Variants in ASPH observed in about 807,000 individuals in gnomAD.
ASPH encodes aspartate beta-hydroxylase.
ASPH carries 100 observed loss-of-function variants against 118.4 expected under a neutral mutation model. The observed-to-expected ratio is 0.84, with a 90% CI of 0.72 to 1.00. The LOEUF is 1.00. Ranked by LOEUF, ASPH falls within the 50% of genes least tolerant of loss-of-function variation. The pLI is 0.00. For missense variants in ASPH, 920 were observed against 919.5 expected, an observed-to-expected ratio of 1.00 and a Z score of -0.01; for synonymous variants, 315 against 325.6, an observed-to-expected ratio of 0.97 and a Z score of 0.35.
intron 19 of ASPH, 36 bp from the exon 20 acceptor site, chr8:61,553,156 T>C: frequency 6.8e-7 from 1 of 1,467,942 alleles, no homozygotes; most frequent in South Asian, 1.2e-5. Context: ...GGTAAAATAA[T>C]TAAATACCAG....
rs1805153722 is a variant in ASPH at position 61,502,726 on chromosome 8, ATT to A, written c.*631_*632del. ...CAATCAAGATAAAAAAAACCAAACG[ATT>A]TGAGAGTTGGGATGGGTACAGTTCA... On this transcript the variant is annotated 3_prime_UTR_variant, in exon 25 of 25. Coordinates refer to ENST00000379454, the MANE Select transcript of ASPH (RefSeq NM_004318.4). The A allele has an allele frequency of 6.6e-6, 1 of 152,158 alleles. No individual in the cohort carries two copies. The highest frequency in any genetic ancestry group is 2.4e-5 in the African/African-American group (1 of 41,444). The allele number at this position is 152,158 out of a possible 1,614,324, so 9.4% of individuals were successfully genotyped here.
chr8:61,597,790 C>T lies in ASPH; in HGVS notation c.977-13761G>A, dbSNP rs547105132. ...AGATACCAGATCCAGCAAAGCTATC[C>T]TTCAAAAATGAAGGAGGAATAAAGT... On this transcript the variant is annotated intron_variant, in intron 14 of 24. Coordinates refer to ENST00000379454, the MANE Select transcript of ASPH (RefSeq NM_004318.4). 7.0e-4 allele frequency among the ~76,000 whole-genome samples: 106 copies of T among 152,256 alleles called. 1 individual carries two copies. Among genetic ancestry groups the T allele is most frequent in the African/African-American group, 2.5e-3 (102 of 41,552 alleles).
At chr8:61,578,202 T>G (rs1835991190) in intron 15 of ASPH, 4 of 1,562,718 alleles carry the variant, frequency 2.6e-6, no homozygotes, top group Non-Finnish European at 1.7e-6. Context: ...CCCGCCTGCC[T>G]CCACTCCTGC....
chr8:61,607,342 G>A (rs964091681), intron 14 of ASPH: 30 of 697,592 alleles, frequency 4.3e-5, no homozygotes, highest in Middle Eastern at 2.3e-4. Flanking sequence ...AAAGTGTGTC[G>A]GAATATATAT....
At chr8:61,671,360 T>G (rs566581625) in intron 3 of ASPH, among the ~76,000 whole-genome samples, 3 of 152,312 alleles carry the variant, frequency 2.0e-5, no homozygotes, top group African/African-American at 7.2e-5. Context: ...AAAGGGAACA[T>G]TCCACTAATC....
At chr8:61,628,111 T>C (rs918150094) in intron 13 of ASPH, among the ~76,000 whole-genome samples, 1 of 151,788 alleles carries the variant, frequency 6.6e-6, no homozygotes, top group Non-Finnish European at 1.5e-5. Context: ...ATCATATGAC[T>C]CCTCTGCTTG....
At position 61,555,947 on chromosome 8, in the gene ASPH, C is replaced by T. The variant is rs1456947038; in HGVS notation, c.1513G>A (p.Ala505Thr). 6.2e-7 allele frequency: 1 copy of T among 1,613,986 alleles called. No homozygotes were observed. The highest frequency in any genetic ancestry group is 8.5e-7 in the Non-Finnish European group (1 of 1,179,952). Residue 505 changes from alanine (A) to threonine (T), a missense_variant, in exon 19 of 25, where the codon GCT (alanine) becomes ACT (threonine). By Grantham distance (58) the Ala-to-Thr change is moderately conservative. Coordinates refer to ENST00000379454, the MANE Select transcript of ASPH (RefSeq NM_004318.4). ...ACCTTTAAATATGGGATGCTCTCAGCAATTTTGTTCTGTGCCTTCAGGATG... is the reference window on the plus strand; with the variant it reads ...ACCTTTAAATATGGGATGCTCTCAGTAATTTTGTTCTGTGCCTTCAGGATG... The part of the protein sequence containing the change: ...GFILKAQNKI[A>T]ESIPYLKEGI...
chr8:61,623,124 A>G (rs1255476591), intron 13 of ASPH, among the ~76,000 whole-genome samples: 1 of 152,170 alleles, frequency 6.6e-6, no homozygotes, highest in Non-Finnish European at 1.5e-5. Context: ...TTCTATTTTC[A>G]GTCTTTTGAG....
intron 13 of ASPH, chr8:61,624,750 A>G (rs6549): frequency 0.48 from 470,048 of 985,442 alleles, 116,536 homozygotes; most frequent in Non-Finnish European, 0.51. Flanking sequence ...ACTTACTTTT[A>G]CTCATTCATC....
chr8:61,696,621 T>C (rs1833980592), intron 1 of ASPH, among the ~76,000 whole-genome samples: 1 of 151,990 alleles, frequency 6.6e-6, no homozygotes, highest in African/African-American at 2.4e-5. Flanking sequence ...ACGTAATTAT[T>C]TCTCCCTACA....
chr8:61,517,382 A>C, intron 24 of ASPH, 146 bp downstream of exon 24: 2 of 1,181,948 alleles, frequency 1.7e-6, no homozygotes, highest in Non-Finnish European at 2.4e-6. Flanking sequence ...GAAGGGATAT[A>C]GACTTAAGAG....
At chr8:61,684,251 C>T (rs1829526979) in intron 1 of ASPH, 63 bp from the exon 2 acceptor site, 2 of 1,486,564 alleles carry the variant, frequency 1.3e-6, no homozygotes, top group East Asian at 4.6e-5. Flanking sequence ...CTTATTCTCA[C>T]AATTATTTCT....
At chr8:61,692,947 GAA>G (rs36120544) in intron 1 of ASPH, among the ~76,000 whole-genome samples, 13 of 125,346 alleles carry the variant, frequency 1.0e-4, no homozygotes, top group East Asian at 2.3e-4. Flanking sequence ...CCACCAGAAG[GAA>G]AAAAAAAAAA....
At chr8:61,653,322 C>G (rs1185588703) in intron 4 of ASPH, among the ~76,000 whole-genome samples, 3 of 152,300 alleles carry the variant, frequency 2.0e-5, no homozygotes, top group Admixed American at 1.3e-4. Context: ...CAGTTCATGA[C>G]GTTCCTAAAT....
At chr8:61,619,542 G>T (rs778820983) in intron 13 of ASPH, among the ~76,000 whole-genome samples, 2 of 152,168 alleles carry the variant, frequency 1.3e-5, no homozygotes, top group Non-Finnish European at 2.9e-5. Context: ...AAGCCCAGAT[G>T]AGAAGCCAGA....
At chr8:61,618,855 C>T (rs990786168) in intron 14 of ASPH, 123 bp downstream of exon 14, 1 of 795,710 alleles carries the variant, frequency 1.3e-6, no homozygotes, top group African/African-American at 1.8e-5. Flanking sequence ...ATTGAAATAA[C>T]AAACCCAGGA....
chr8:61,651,006 G>T, intron 5 of ASPH, 44 bp downstream of exon 5: 1 of 1,529,872 alleles, frequency 6.5e-7, no homozygotes, highest in Non-Finnish European at 8.9e-7. Flanking sequence ...ATAACTAAGC[G>T]TTATTTTAGT....
At chr8:61,621,336 GAAA>G (rs1850865994) in intron 13 of ASPH, among the ~76,000 whole-genome samples, 1 of 40,312 alleles carries the variant, frequency 2.5e-5, no homozygotes, top group East Asian at 7.8e-4. Flanking sequence ...AAAAAAAAAA[GAAA>G]AGAAAAGAAA....
chr8:61,642,884 A>G lies in ASPH; in HGVS notation c.790+4T>C. 1.3e-6 allele frequency: 2 copies of G among 1,551,924 alleles called. No homozygotes were observed. Among genetic ancestry groups the G allele is most frequent in the East Asian group, 4.7e-5 (2 of 42,980 alleles). ...AAAAAAAAAAAAAGAAAGCATTTGC[A>G]AACCTTGTTCCTCATAGACTTGGTA... is the stretch of plus-strand genomic sequence containing the variant. On this transcript the variant is annotated splice_donor_region_variant and intron_variant, in intron 10 of 24. Coordinates refer to ENST00000379454, the MANE Select transcript of ASPH (RefSeq NM_004318.4).
Sources: allele counts gnomAD v4.1 joint callset (sites outside exome capture counted in the v4.1 genomes callset), GRCh38; gene constraint gnomAD v4.1.1; transcripts MANE v1.5; gene names NCBI Gene and HGNC (gene_info 2026-07-23, HGNC 2026-07-21).